Variants in PCDHGB2 observed in about 807,000 individuals in gnomAD.
PCDHGB2 encodes protocadherin gamma-B2.
In PCDHGB2, 55 loss-of-function variants were observed where a neutral mutation model predicts 59.3. The ratio of observed to expected loss-of-function variants is 0.93; its 90% CI spans 0.75 to 1.16. The LOEUF (loss-of-function observed/expected upper bound fraction) is 1.16. Among genes scored for constraint, PCDHGB2 ranks in the 50% most tolerant of loss-of-function variants. The pLI, the probability that PCDHGB2 is intolerant of heterozygous loss-of-function variation, is 0.00. For missense variants in PCDHGB2, 1,228 were observed against 1,198.5 expected (o/e 1.02, Z -0.36); for synonymous variants, 516 against 512.0 (o/e 1.01, Z -0.11).
Position 141,476,489 on chromosome 5 carries a change from A to G in PCDHGB2, c.2422-18318A>G. ...GGAGCTGTTCAGCGTGGAAGTGGTGATCCAGGACATCAACGACAACAATCC... is the reference window on the plus strand; with the variant it reads ...GGAGCTGTTCAGCGTGGAAGTGGTGGTCCAGGACATCAACGACAACAATCC... On this transcript the variant is annotated intron_variant, in intron 1 of 3. Coordinates refer to ENST00000522605, the MANE Select transcript of PCDHGB2 (RefSeq NM_018923.3). The surrounding 1 kb of genome is among the most constrained non-coding windows in gnomAD (Gnocchi z 7.6). The G allele has an allele frequency of 6.2e-7, 1 of 1,613,928 alleles. No individual in the cohort carries two copies. Among genetic ancestry groups the G allele is most frequent in the Non-Finnish European group, 8.5e-7 (1 of 1,179,976 alleles).
rs1317308437 is a variant in PCDHGB2, at chr5:141,418,492, A to G, written c.2421+55936A>G. The G allele has an allele frequency of 1.9e-6, 3 of 1,613,886 alleles. No homozygotes were observed. The African/African-American group carries it at 4.0e-5, about 22-fold the overall frequency. On this transcript the variant is annotated intron_variant, in intron 1 of 3. Coordinates refer to ENST00000522605, the MANE Select transcript of PCDHGB2 (RefSeq NM_018923.3). ...AAACGCAGAGCGCTCACCACTTGGT[A>G]CTGACCGCCTTAGATGGTGGGGACC... is the stretch of plus-strand genomic sequence containing the variant.
Position 141,485,117 on chromosome 5 carries a change from G to A in PCDHGB2, c.2422-9690G>A. The A allele has an allele frequency of 3.0e-6, 4 of 1,326,200 alleles. No homozygotes were observed. The highest frequency in any genetic ancestry group is 4.3e-6 in the Non-Finnish European group (4 of 933,470). 82.2% of individuals were successfully genotyped at this position (1,326,200 alleles called of 1,614,324 possible). On this transcript the variant is annotated intron_variant, in intron 1 of 3. Transcript: ENST00000522605. The surrounding 1 kb of genome is among the most constrained non-coding windows in gnomAD (Gnocchi z 5.7). ...GTCTCCAGCTGCTGTGGCTGTTTGG[G>A]GCGGGTCGGCTTCATCCGCGTCTCA...
At chr5:141,471,361 CT>C (rs2099255928) in intron 1 of PCDHGB2, 1 of 151,976 alleles carries the variant, frequency 6.6e-6, no homozygotes, top group Non-Finnish European at 1.5e-5. Flanking sequence ...TCCAAGCCCC[CT>C]ATTTTTATTT....
intron 1 of PCDHGB2, chr5:141,371,230 A>G: frequency 6.2e-7 from 1 of 1,614,038 alleles, no homozygotes; most frequent in Non-Finnish European, 8.5e-7. Flanking sequence ...GAAATCATCT[A>G]TGCCTTCATC....
intron 1 of PCDHGB2, among the ~76,000 whole-genome samples, chr5:141,488,350 C>G (rs1191478919): frequency 6.6e-6 from 1 of 152,176 alleles, no homozygotes; most frequent in Non-Finnish European, 1.5e-5. Context: ...GAAACAGCCA[C>G]CCTGTGCATC....
intron 1 of PCDHGB2, chr5:141,417,543 C>T: frequency 6.5e-6 from 2 of 307,994 alleles, no homozygotes; most frequent in Non-Finnish European, 1.2e-5. Flanking sequence ...AAAAAAAATT[C>T]CTTGAAAGAG....
At chr5:141,483,207 A>G (rs1225621725) in intron 1 of PCDHGB2, among the ~76,000 whole-genome samples, 1 of 152,224 alleles carries the variant, frequency 6.6e-6, no homozygotes, top group African/African-American at 2.4e-5. Context: ...TATTCCATAT[A>G]GATGACAGTC....
intron 1 of PCDHGB2, chr5:141,404,234 G>A (rs2094500908): frequency 6.2e-7 from 1 of 1,613,770 alleles, no homozygotes; most frequent in African/African-American, 1.3e-5. Context: ...AACAGACAGA[G>A]GAACTCCGCC....
In PCDHGB2 at chr5:141,431,620, G is replaced by T; in HGVS notation, c.2422-63187G>T. 6.2e-7 allele frequency: 1 copy of T among 1,614,232 alleles called. No individual in the cohort carries two copies. The highest frequency in any genetic ancestry group is 8.5e-7 in the Non-Finnish European group (1 of 1,180,050). Reference sequence around the variant, plus strand: ...ATTCCTTCCGGTATGTGGACGACAAGGCGGCCCAAGTTTTCAAACTAGATT... The same window carrying T: ...ATTCCTTCCGGTATGTGGACGACAATGCGGCCCAAGTTTTCAAACTAGATT... On this transcript the variant is annotated intron_variant, in intron 1 of 3. Transcript: ENST00000522605. The surrounding 1 kb of genome is among the most constrained non-coding windows in gnomAD (Gnocchi z 4.8).
intron 1 of PCDHGB2, chr5:141,371,115 G>C (rs757942462): frequency 1.3e-5 from 21 of 1,613,902 alleles, no homozygotes; most frequent in Non-Finnish European, 1.8e-5. Flanking sequence ...TAACCCCCCA[G>C]TATTTACTCA....
At chr5:141,386,780 A>C (rs1209529195) in intron 1 of PCDHGB2, among the ~76,000 whole-genome samples, 3 of 152,202 alleles carry the variant, frequency 2.0e-5, no homozygotes. Flanking sequence ...TGTAAAAGAA[A>C]ATCTCCTGAC....
chr5:141,470,911 G>C (rs1208467445), intron 1 of PCDHGB2, among the ~76,000 whole-genome samples: 1 of 151,916 alleles, frequency 6.6e-6, no homozygotes, highest in African/African-American at 2.4e-5. Context: ...AGATGGGACT[G>C]TCCCTATGTT....
chr5:141,491,800 C>G lies in PCDHGB2; in HGVS notation c.2422-3007C>G. The G allele has an allele frequency of 6.7e-7, 1 of 1,500,854 alleles. No individual in the cohort carries two copies. The highest frequency in any genetic ancestry group is 8.9e-7 in the Non-Finnish European group (1 of 1,125,316). 93.0% of individuals were successfully genotyped at this position (1,500,854 alleles called of 1,614,324 possible). A position where few individuals can be genotyped will look rare whatever the true frequency, so the allele number is the denominator to read the frequency against. ...GAACTTGCATCCACTCCTCTCCGGC[C>G]GGCTTGGTCGCTGGCTGCGCTCCAC... On this transcript the variant is annotated intron_variant, in intron 1 of 3. Transcript: ENST00000522605. The surrounding 1 kb of genome is among the most constrained non-coding windows in gnomAD (Gnocchi z 6.9).
intron 1 of PCDHGB2, among the ~76,000 whole-genome samples, chr5:141,443,082 C>A (rs958408385): frequency 6.6e-6 from 1 of 151,624 alleles, no homozygotes; most frequent in African/African-American, 2.4e-5. Flanking sequence ...ACTGAGTGTT[C>A]CAGTCTCCTT....
intron 1 of PCDHGB2, chr5:141,441,889 GT>G: frequency 2.9e-6 from 1 of 346,022 alleles, no homozygotes; most frequent in South Asian, 2.6e-5. Flanking sequence ...GGTCACCAAG[GT>G]GGTGGCTGTA....
intron 3 of PCDHGB2, among the ~76,000 whole-genome samples, chr5:141,509,907 C>T (rs149338646): frequency 3.3e-5 from 5 of 152,182 alleles, no homozygotes; most frequent in South Asian, 2.1e-4. Context: ...TTCCAGCATG[C>T]GCTTAGGTAC....
At chr5:141,369,362 A>C (rs1389904751) in intron 1 of PCDHGB2, among the ~76,000 whole-genome samples, 1 of 152,158 alleles carries the variant, frequency 6.6e-6, no homozygotes, top group African/African-American at 2.4e-5. Flanking sequence ...GTATGAAAAA[A>C]CATCCTTTGT....
At chr5:141,384,768 G>A (rs1046016115) in intron 1 of PCDHGB2, 20 of 1,613,804 alleles carry the variant, frequency 1.2e-5, no homozygotes, top group Non-Finnish European at 1.6e-5. Context: ...GGCTGTACAC[G>A]GGCGAGGTGC....
intron 1 of PCDHGB2, among the ~76,000 whole-genome samples, chr5:141,363,513 T>A (rs995820646): frequency 6.6e-6 from 1 of 152,210 alleles, no homozygotes; most frequent in Non-Finnish European, 1.5e-5. Context: ...TCCTCCACAG[T>A]TACTATACTG....
Sources: allele counts gnomAD v4.1 joint callset (sites outside exome capture counted in the v4.1 genomes callset), GRCh38; gene constraint gnomAD v4.1.1; non-coding constraint Gnocchi (gnomAD v3.1); transcripts MANE v1.5; gene names NCBI Gene and HGNC (gene_info 2026-07-23, HGNC 2026-07-21).